PPTC7: variants seen among roughly 807,000 people sequenced by gnomAD.
PPTC7 encodes protein phosphatase targeting COQ7.
PPTC7 carries 6 observed loss-of-function variants against 30.8 expected under a neutral mutation model. The observed-to-expected ratio is 0.19, with a 90% CI of 0.11 to 0.38. The LOEUF is 0.38. PPTC7 is among the 10% of genes least tolerant of loss of function. The pLI, the probability that PPTC7 is intolerant of heterozygous loss-of-function variation, is 1.00. For missense variants in PPTC7, 218 were observed against 404.8 expected (o/e 0.54, Z 3.96); for synonymous variants, 163 against 168.1 (o/e 0.97, Z 0.23).
chr12:110,570,104 C>T (rs866320286), intron 1 of PPTC7, among the ~76,000 whole-genome samples: 2 of 151,908 alleles, frequency 1.3e-5, no homozygotes, highest in African/African-American at 4.8e-5. Flanking sequence ...ACATGGGAGA[C>T]TCCATTTTGT....
intron 2 of PPTC7, among the ~76,000 whole-genome samples, chr12:110,548,696 A>G (rs2064328921): frequency 2.0e-5 from 3 of 151,864 alleles, no homozygotes; most frequent in Non-Finnish European, 2.9e-5. Context: ...GACTCATGTG[A>G]CTCCTTATAT....
At chr12:110,545,112 A>T (rs762451476) in intron 3 of PPTC7, among the ~76,000 whole-genome samples, 6 of 151,796 alleles carry the variant, frequency 4.0e-5, no homozygotes, top group Non-Finnish European at 5.9e-5. Flanking sequence ...GTTTTTTTTG[A>T]GACAGAGTCT....
intron 1 of PPTC7, among the ~76,000 whole-genome samples, chr12:110,577,285 A>G (rs575657267): frequency 5.9e-5 from 9 of 152,026 alleles, no homozygotes; most frequent in African/African-American, 2.2e-4. Context: ...CCTGGAATTT[A>G]AAAAAAGTAA....
At position 110,536,129 on chromosome 12, in the gene PPTC7, G is replaced by C. The variant is rs1337366666; in HGVS notation, c.*908C>G. 2 of 152,242 alleles carry C rather than the reference G, an allele frequency of 1.3e-5. No individual in the cohort carries two copies. Among genetic ancestry groups the C allele is most frequent in the Non-Finnish European group, 2.9e-5 (2 of 68,054 alleles). 9.4% of individuals were successfully genotyped at this position (152,242 alleles called of 1,614,324 possible). A position where few individuals can be genotyped will look rare whatever the true frequency, so the allele number is the denominator to read the frequency against. On this transcript the variant is annotated 3_prime_UTR_variant, in exon 6 of 6. Transcript: ENST00000354300. The stretch of plus-strand genomic sequence containing the variant: ...GCCAACAAAATTCAAAGTTACAGCT[G>C]TCTGTTCTCAACCCTTCAGGCCTTG...
chr12:110,543,038 C>T (rs2064275220), intron 3 of PPTC7, among the ~76,000 whole-genome samples: 2 of 152,242 alleles, frequency 1.3e-5, no homozygotes, highest in South Asian at 4.1e-4. Context: ...AATTAAGGAA[C>T]AAGAGCCAGG....
At chr12:110,537,197 G>A in intron 5 of PPTC7, 102 bp from the exon 6 acceptor site, 1 of 937,514 alleles carries the variant, frequency 1.1e-6, no homozygotes, top group Admixed American at 1.9e-5. Context: ...TGCATTCCAG[G>A]CAGTTTTGGT....
At position 110,536,000 on chromosome 12, in the gene PPTC7, T is replaced by G. The variant is rs2135756218; in HGVS notation, c.*1037A>C. ...TGCTGCCGCTGCGCACACAGTGCTC[T>G]CTCCACATGGACTCACTGGATTTGG... On this transcript the variant is annotated 3_prime_UTR_variant, in exon 6 of 6. Coordinates refer to ENST00000354300, the MANE Select transcript of PPTC7 (RefSeq NM_139283.2). The G allele has an allele frequency of 6.5e-6, 1 of 152,674 alleles. No individual in the cohort carries two copies. The highest frequency in any genetic ancestry group is 2.4e-5 in the African/African-American group (1 of 41,590). 9.5% of individuals were successfully genotyped at this position (152,674 alleles called of 1,614,324 possible).
chr12:110,558,224 G>C (rs1488187510), intron 1 of PPTC7, among the ~76,000 whole-genome samples: 1 of 152,206 alleles, frequency 6.6e-6, no homozygotes, highest in African/African-American at 2.4e-5. Context: ...TGTGTATAAA[G>C]TGAGGAACTA....
chr12:110,550,445 T>C (rs2064341979), intron 2 of PPTC7, among the ~76,000 whole-genome samples: 1 of 152,030 alleles, frequency 6.6e-6, no homozygotes, highest in Admixed American at 6.6e-5. Flanking sequence ...TTAGCCACGA[T>C]GGTCTCAATC....
chr12:110,571,864 T>C (rs1257749640), intron 1 of PPTC7, among the ~76,000 whole-genome samples: 3 of 152,210 alleles, frequency 2.0e-5, no homozygotes, highest in Non-Finnish European at 2.9e-5. Flanking sequence ...AATGCATACA[T>C]AAGGCATCCT....
chr12:110,546,926 C>T (rs957265375), intron 2 of PPTC7, among the ~76,000 whole-genome samples: 2 of 152,118 alleles, frequency 1.3e-5, no homozygotes, highest in Non-Finnish European at 2.9e-5. Context: ...TAGTTTAACA[C>T]GAGTCAAAAG....
chr12:110,560,299 C>T (rs557705688), intron 1 of PPTC7, among the ~76,000 whole-genome samples: 1 of 151,924 alleles, frequency 6.6e-6, no homozygotes, highest in East Asian at 1.9e-4. Flanking sequence ...AAACAGGAGG[C>T]TGAGGGTGGG....
intron 1 of PPTC7, among the ~76,000 whole-genome samples, chr12:110,559,187 C>A (rs1042515293): frequency 6.6e-6 from 1 of 151,970 alleles, no homozygotes; most frequent in Non-Finnish European, 1.5e-5. Context: ...ACACACACAA[C>A]TCATTTTTTT....
At chr12:110,576,202 A>G (rs1050723381) in intron 1 of PPTC7, among the ~76,000 whole-genome samples, 4 of 152,144 alleles carry the variant, frequency 2.6e-5, no homozygotes, top group African/African-American at 9.7e-5. Flanking sequence ...AGGCATATTT[A>G]AAGTACTGAT....
At position 110,583,090 on chromosome 12, in the gene PPTC7, C is replaced by G; in HGVS notation, c.-59G>C. The G allele has an allele frequency of 7.7e-7, 1 of 1,298,350 alleles. No individual in the cohort carries two copies. Among genetic ancestry groups the G allele is most frequent in the South Asian group, 2.0e-5 (1 of 50,924 alleles). 80.4% of individuals were successfully genotyped at this position (1,298,350 alleles called of 1,614,324 possible). A position where few individuals can be genotyped will look rare whatever the true frequency, so the allele number is the denominator to read the frequency against. On this transcript the variant is annotated 5_prime_UTR_variant, in exon 1 of 6. Transcript: ENST00000354300. ...CGGGGGAGCAGGAGGACGCGGAGGCCCGGAGCCGGCTCTCTCCTCAGCCGC... is the reference window on the plus strand; with the variant it reads ...CGGGGGAGCAGGAGGACGCGGAGGCGCGGAGCCGGCTCTCTCCTCAGCCGC...
intron 1 of PPTC7, among the ~76,000 whole-genome samples, chr12:110,564,877 T>TACACGTTATA (rs1288351192): frequency 3.3e-5 from 5 of 149,488 alleles, no homozygotes; most frequent in African/African-American, 1.3e-4. Flanking sequence ...TATATATACA[T>TACACGTTATA]TGTTTTTTTT....
At chr12:110,564,430 G>A (rs531321328) in intron 1 of PPTC7, among the ~76,000 whole-genome samples, 18 of 152,268 alleles carry the variant, frequency 1.2e-4, no homozygotes, top group African/African-American at 4.3e-4. Flanking sequence ...TACTTGTACT[G>A]GCCCTTTAGG....
At chr12:110,559,730 G>GAA (rs770672237) in intron 1 of PPTC7, among the ~76,000 whole-genome samples, 105 of 89,674 alleles carry the variant, frequency 1.2e-3, no homozygotes, top group Non-Finnish European at 1.3e-3. Flanking sequence ...AGCCTCAGGG[G>GAA]AAAAAAAAAA....
At chr12:110,543,098 C>T (rs375766150) in intron 3 of PPTC7, among the ~76,000 whole-genome samples, 1 of 152,288 alleles carries the variant, frequency 6.6e-6, no homozygotes, top group South Asian at 2.1e-4. Flanking sequence ...TCCAAAGCAC[C>T]CTAAGCTCCA....
Sources: allele counts gnomAD v4.1 joint callset (sites outside exome capture counted in the v4.1 genomes callset), GRCh38; gene constraint gnomAD v4.1.1; transcripts MANE v1.5; gene names NCBI Gene and HGNC (gene_info 2026-07-23, HGNC 2026-07-21).